Variants in KCTD3 observed in about 807,000 individuals in gnomAD.
The protein encoded by KCTD3 is potassium channel tetramerization domain containing 3, also known as BTB/POZ domain-containing protein KCTD3.
Under a neutral mutation model 85.8 loss-of-function variants are expected in KCTD3, and 41 were observed. The ratio of observed to expected loss-of-function variants is 0.48; its 90% CI spans 0.37 to 0.62. KCTD3 has a LOEUF of 0.62. Ranked by LOEUF, KCTD3 falls within the 20% of genes least tolerant of loss-of-function variation. The pLI, the probability that KCTD3 is intolerant of heterozygous loss-of-function variation, is 0.00. For missense variants in KCTD3, 724 were observed against 989.9 expected (o/e 0.73, Z 3.60); for synonymous variants, 338 against 345.4 (o/e 0.98, Z 0.24).
rs146740007 is a variant in KCTD3, at chr1:215,606,965, G to A, written c.1310-1052G>A. 6.3e-3 allele frequency among the ~76,000 whole-genome samples: 954 copies of A among 151,936 alleles called. 9 individuals are homozygous for A. The highest frequency in any genetic ancestry group is 0.018 in the South Asian group (85 of 4,818). ...TAGTGAAATCAGGAAATGATTTCCCGTGAAACTAAATAGCCTAGAACAAAA... is the reference window on the plus strand; with the variant it reads ...TAGTGAAATCAGGAAATGATTTCCCATGAAACTAAATAGCCTAGAACAAAA... On this transcript the variant is annotated intron_variant, in intron 13 of 17. Transcript: ENST00000259154.
chr1:215,619,721 T>C (rs1655590507), intron 17 of KCTD3, among the ~76,000 whole-genome samples: 1 of 152,152 alleles, frequency 6.6e-6, no homozygotes, highest in Admixed American at 6.6e-5. Flanking sequence ...TTTTTAGTTA[T>C]CATATTGATA....
chr1:215,571,533 A>C (rs999369898), intron 1 of KCTD3, among the ~76,000 whole-genome samples: 2 of 152,196 alleles, frequency 1.3e-5, no homozygotes, highest in African/African-American at 4.8e-5. Context: ...GTCTTTAATA[A>C]ATGAATTGTT....
chr1:215,612,860 T>C (rs1008416930), intron 15 of KCTD3, among the ~76,000 whole-genome samples: 6 of 152,230 alleles, frequency 3.9e-5, no homozygotes, highest in South Asian at 2.1e-4. Flanking sequence ...TTACTTCTTT[T>C]AAAATTATTA....
In KCTD3 at chr1:215,595,309, T is replaced by C. The variant is rs770556443; in HGVS notation, c.818-47T>C. The C allele has an allele frequency of 3.8e-5, 44 of 1,167,094 alleles. No homozygotes were observed. The South Asian group carries it at 5.5e-4, about 14-fold the overall frequency. The allele number at this position is 1,167,094 out of a possible 1,614,324, so 72.3% of individuals were successfully genotyped here. A position where few individuals can be genotyped will look rare whatever the true frequency, so the allele number is the denominator to read the frequency against. ...TTTTAATCCAGGTTTTGATTAATTC[T>C]AAAAATGGTGACTGATTAACCTTTT... On this transcript the variant is annotated intron_variant, in intron 9 of 17. Transcript: ENST00000259154.
At chr1:215,592,385 G>T (rs113680622) in intron 9 of KCTD3, among the ~76,000 whole-genome samples, 6,531 of 151,710 alleles carry the variant, frequency 0.043, 481 homozygotes, top group African/African-American at 0.15. Flanking sequence ...TGTTGTTACT[G>T]CTGTTTTAAA....
In KCTD3 at chr1:215,598,876, A is replaced by G. The variant is rs1166255996; in HGVS notation, c.934-2991A>G. On this transcript the variant is annotated intron_variant, in intron 10 of 17. Transcript: ENST00000259154. ...CAGATAGGAACAGACTAGAGGAGCC[A>G]TATTGAAAAAGATAACAACTGCTAA... is the stretch of plus-strand genomic sequence containing the variant. Among the ~76,000 whole-genome samples the G allele has an allele frequency of 2.6e-5, 4 of 152,204 alleles. No homozygotes were observed. The East Asian group carries it at 7.7e-4, about 29-fold the overall frequency.
intron 8 of KCTD3, among the ~76,000 whole-genome samples, chr1:215,580,686 G>T (rs1310621032): frequency 1.3e-5 from 2 of 151,880 alleles, no homozygotes; most frequent in African/African-American, 4.8e-5. Context: ...GAATATACTA[G>T]CTTAGATTAT....
chr1:215,593,471 T>G (rs1482140465), intron 9 of KCTD3, among the ~76,000 whole-genome samples: 1 of 152,238 alleles, frequency 6.6e-6, no homozygotes, highest in African/African-American at 2.4e-5. Context: ...TTTCAAGGTG[T>G]TGTTTGTCAC....
In KCTD3 at chr1:215,567,745, C is replaced by A; in HGVS notation, c.60C>A (p.Val20=). The A allele has an allele frequency of 8.0e-7, 1 of 1,244,860 alleles. No individual in the cohort carries two copies. The highest frequency in any genetic ancestry group is 1.0e-6 in the Non-Finnish European group (1 of 988,330). The allele number at this position is 1,244,860 out of a possible 1,614,324, so 77.1% of individuals were successfully genotyped here. A position where few individuals can be genotyped will look rare whatever the true frequency, so the allele number is the denominator to read the frequency against. The change falls in exon 1 of 18, where the codon GTC becomes GTA. Residue 20 remains valine, a synonymous_variant. Coordinates refer to ENST00000259154, the MANE Select transcript of KCTD3 (RefSeq NM_016121.5). ...PAAAAGSGEI[V]QLNVGGTRFS... ...CGGCGGCCGGCAGCGGCGAGATCGT[C>A]CAACTGAACGTAGGGGGGACCAGGT...
chr1:215,600,274 A>G (rs1433749162), intron 10 of KCTD3, among the ~76,000 whole-genome samples: 1 of 152,232 alleles, frequency 6.6e-6, no homozygotes, highest in African/African-American at 2.4e-5. Context: ...ATATACAGGA[A>G]GAGCTTAGAG....
At chr1:215,582,671 C>T (rs2102564964) in intron 8 of KCTD3, among the ~76,000 whole-genome samples, 1 of 152,204 alleles carries the variant, frequency 6.6e-6, no homozygotes, top group Middle Eastern at 3.4e-3. Flanking sequence ...AAGCAATTCT[C>T]CCACCTCAGC....
intron 9 of KCTD3, among the ~76,000 whole-genome samples, chr1:215,594,477 C>G (rs942334144): frequency 6.6e-6 from 1 of 152,146 alleles, no homozygotes; most frequent in African/African-American, 2.4e-5. Flanking sequence ...CCTGAGCTTG[C>G]CCATATTCAG....
intron 9 of KCTD3, among the ~76,000 whole-genome samples, chr1:215,593,857 C>CTT (rs11362703): frequency 1.2e-4 from 13 of 111,758 alleles, no homozygotes; most frequent in South Asian, 3.1e-4. Flanking sequence ...TGGAATACAA[C>CTT]TTTTTTTTTT....
rs75651965 is a variant in KCTD3 at position 215,619,193 on chromosome 1, C to T, written c.1788C>T (p.Leu596=). The T allele has an allele frequency of 5.6e-6, 9 of 1,613,650 alleles. No individual in the cohort carries two copies. The highest frequency in any genetic ancestry group is 7.6e-6 in the Non-Finnish European group (9 of 1,179,678). The change falls in exon 17 of 18, where the codon CTC becomes CTT. Residue 596 remains leucine (L), a synonymous_variant. Transcript: ENST00000259154. ...CCGAAGAAGAGCTACTCAAATTACT[C>T]GATCAATGTGATTTGAGCACATCTC... The part of the protein sequence containing the change: ...GPTEEELLKL[L]DQCDLSTSRC...
intron 7 of KCTD3, among the ~76,000 whole-genome samples, chr1:215,579,610 T>A (rs1302231379): frequency 6.6e-6 from 1 of 152,036 alleles, no homozygotes; most frequent in Non-Finnish European, 1.5e-5. Flanking sequence ...GCCATTCTCC[T>A]GCCTCAGCCT....
chr1:215,611,686 C>T (rs1316489778), intron 14 of KCTD3, 139 bp from the exon 15 acceptor site: 2 of 547,776 alleles, frequency 3.7e-6, no homozygotes, highest in Non-Finnish European at 6.6e-6. Flanking sequence ...TATTGCATGT[C>T]TGATGTTGAG....
At position 215,618,820 on chromosome 1, in the gene KCTD3, G is replaced by C. The variant is rs1571904420; in HGVS notation, c.1563-66G>C. ...TGCTTTCTTTCTTTCTGTCTTTTTA[G>C]TTTCATAGCTTCTTTTTAAATAATT... On this transcript the variant is annotated intron_variant, in intron 15 of 17. Transcript: ENST00000259154. 1.2e-5 allele frequency: 14 copies of C among 1,202,208 alleles called. No homozygotes were observed. In the East Asian group the frequency reaches 3.5e-4, roughly 30 times the overall value. 74.5% of individuals were successfully genotyped at this position (1,202,208 alleles called of 1,614,324 possible).
chr1:215,571,345 T>C (rs1659358324), intron 1 of KCTD3, among the ~76,000 whole-genome samples: 1 of 152,196 alleles, frequency 6.6e-6, no homozygotes, highest in East Asian at 1.9e-4. Flanking sequence ...AAGAGTCTAT[T>C]AAGAAACGCA....
At chr1:215,583,284 A>G (rs1227163862) in intron 8 of KCTD3, among the ~76,000 whole-genome samples, 2 of 152,228 alleles carry the variant, frequency 1.3e-5, no homozygotes, top group Non-Finnish European at 2.9e-5. Context: ...TGTTTCAGAA[A>G]GGAGCAGGCA....
Sources: allele counts gnomAD v4.1 joint callset (sites outside exome capture counted in the v4.1 genomes callset), GRCh38; gene constraint gnomAD v4.1.1; transcripts MANE v1.5; gene names NCBI Gene and HGNC (gene_info 2026-07-23, HGNC 2026-07-21).